The following STX11 variants were observed in gnomAD, a reference collection of about 807,000 sequenced individuals.
STX11 encodes syntaxin 11, also known as syntaxin-11.
A neutral mutation model predicts 19.9 loss-of-function variants in STX11; 21 were observed. That is an observed-to-expected ratio of 1.06 (90% CI 0.75 to 1.52). STX11 has a LOEUF of 1.52. Among genes scored for constraint, STX11 ranks in the 40% most tolerant of loss-of-function variants. STX11 has a pLI of 0.00. For synonymous variants in STX11, 193 were observed against 174.4 expected (o/e 1.11, Z -0.84); for missense variants, 438 against 405.9 (o/e 1.08, Z -0.68).
rs1801987548 is a variant in STX11, at chr6:144,184,857, AAT to A, written c.-5-1757_-5-1756del. Among the ~76,000 whole-genome samples, 1 of 152,188 alleles carries A rather than the reference AAT, an allele frequency of 6.6e-6. No individual in the cohort carries two copies. Among genetic ancestry groups the A allele is most frequent in the South Asian group, 2.1e-4 (1 of 4,832 alleles). On this transcript the variant is annotated intron_variant, in intron 1 of 1. Coordinates refer to ENST00000367568, the MANE Select transcript of STX11 (RefSeq NM_003764.4). This position sits in a 1 kb window ranked among gnomAD's most constrained non-coding sequence, Gnocchi z 6.5. ...TAAGTAGATTTTTTGGTAGCTTAGA[AAT>A]ATATATATTAAGTATCTTAACCTCT...
intron 1 of STX11, among the ~76,000 whole-genome samples, chr6:144,171,922 C>T (rs1446169707): frequency 6.6e-6 from 1 of 152,130 alleles, no homozygotes; most frequent in East Asian, 1.9e-4. Flanking sequence ...TACCTTAAGT[C>T]ACAATTATTG....
At chr6:144,140,393 T>C in the STX11 span, among the ~76,000 whole-genome samples, 1 of 151,604 alleles carries the variant, frequency 6.6e-6, no homozygotes, top group Non-Finnish European at 1.5e-5. Context: ...TAGCTGGGAC[T>C]ACAGGCGCAC....
At chr6:144,146,564 G>A (rs1448480327), upstream of STX11, among the ~76,000 whole-genome samples, 1 of 152,080 alleles carries the variant, frequency 6.6e-6, no homozygotes, top group Non-Finnish European at 1.5e-5. The surrounding 1 kb of genome is among the most constrained non-coding windows in gnomAD (Gnocchi z 4.4). Flanking sequence ...CGCCCGCCTC[G>A]GCCTCCCAAA....
chr6:144,148,576 C>T (rs929502959), upstream of STX11, among the ~76,000 whole-genome samples: 3 of 152,164 alleles, frequency 2.0e-5, no homozygotes, highest in East Asian at 1.9e-4. Flanking sequence ...TTACATTCCT[C>T]ACAACTAATT....
chr6:144,179,091 G>A (rs993240638), intron 1 of STX11, among the ~76,000 whole-genome samples: 1 of 152,164 alleles, frequency 6.6e-6, no homozygotes, highest in Non-Finnish European at 1.5e-5. Context: ...GAGGCATGGT[G>A]AATGCAAGGA....
chr6:144,176,767 C>G lies in STX11; in HGVS notation c.-5-9856C>G, dbSNP rs1430661338. Among the ~76,000 whole-genome samples, 2 of 152,008 alleles carry G rather than the reference C, an allele frequency of 1.3e-5. No homozygotes were observed. Among genetic ancestry groups the G allele is most frequent in the African/African-American group, 4.8e-5 (2 of 41,424 alleles). ...CATTTGAGTCATCAATAAATTGTGTCTAATGCCCTGTTTTTTAAAAAGCAA... is the reference window on the plus strand; with the variant it reads ...CATTTGAGTCATCAATAAATTGTGTGTAATGCCCTGTTTTTTAAAAAGCAA... On this transcript the variant is annotated intron_variant, in intron 1 of 1. Transcript: ENST00000367568. The surrounding 1 kb of genome is among the most constrained non-coding windows in gnomAD (Gnocchi z 4.1).
At chr6:144,144,924 G>A in the STX11 span, among the ~76,000 whole-genome samples, 1 of 152,192 alleles carries the variant, frequency 6.6e-6, no homozygotes, top group Non-Finnish European at 1.5e-5. Context: ...GGAGACACTG[G>A]AACCCTTGGG....
chr6:144,163,893 C>G (rs1201024177), intron 1 of STX11, among the ~76,000 whole-genome samples: 2 of 152,214 alleles, frequency 1.3e-5, no homozygotes, highest in Admixed American at 6.5e-5. Flanking sequence ...CTGCAGAAAG[C>G]TATGATTGTG....
chr6:144,161,742 A>G (rs1045534679), intron 1 of STX11, among the ~76,000 whole-genome samples: 1 of 152,200 alleles, frequency 6.6e-6, no homozygotes, highest in African/African-American at 2.4e-5. Flanking sequence ...TTCTGTTGAC[A>G]TCTAGATACG....
chr6:144,183,813 C>T lies in STX11; in HGVS notation c.-5-2810C>T, dbSNP rs1053890768. Among the ~76,000 whole-genome samples the T allele has an allele frequency of 2.6e-5, 4 of 152,130 alleles. No homozygotes were observed. The highest frequency in any genetic ancestry group is 9.7e-5 in the African/African-American group (4 of 41,428). On this transcript the variant is annotated intron_variant, in intron 1 of 1. Coordinates refer to ENST00000367568, the MANE Select transcript of STX11 (RefSeq NM_003764.4). The surrounding 1 kb of genome is among the most constrained non-coding windows in gnomAD (Gnocchi z 4.6). ...AAACATGTGCCATGGTGGTTTGCTG[C>T]ACAGATCATCCCATCACCTAGGTTT... is the stretch of plus-strand genomic sequence containing the variant.
At chr6:144,147,477 T>A (rs1405919785), upstream of STX11, among the ~76,000 whole-genome samples, 2 of 152,244 alleles carry the variant, frequency 1.3e-5, no homozygotes, top group Non-Finnish European at 2.9e-5. This position sits in a 1 kb window ranked among gnomAD's most constrained non-coding sequence, Gnocchi z 4.2. Flanking sequence ...CTCATTCTCT[T>A]TTTTTGATTC....
rs917936363 is a variant in STX11 at position 144,183,414 on chromosome 6, T to C, written c.-5-3209T>C. Among the ~76,000 whole-genome samples, 3 of 152,258 alleles carry C rather than the reference T, an allele frequency of 2.0e-5. No individual in the cohort carries two copies. The highest frequency in any genetic ancestry group is 1.3e-4 in the Admixed American group (2 of 15,292). On this transcript the variant is annotated intron_variant, in intron 1 of 1. Transcript: ENST00000367568. The surrounding 1 kb of genome is among the most constrained non-coding windows in gnomAD (Gnocchi z 4.6). ...GTGGTGATGAAAATATTTTGAGCAATGAGTTTCATACACTTTTGCATTATA... is the reference window on the plus strand; with the variant it reads ...GTGGTGATGAAAATATTTTGAGCAACGAGTTTCATACACTTTTGCATTATA...
the STX11 span, among the ~76,000 whole-genome samples, chr6:144,145,462 T>C: frequency 6.6e-6 from 1 of 152,194 alleles, no homozygotes. Context: ...TCCCTGTTCA[T>C]TGCAGCACTT....
intron 1 of STX11, among the ~76,000 whole-genome samples, chr6:144,157,357 A>G (rs1052356453): frequency 2.0e-5 from 3 of 152,228 alleles, no homozygotes; most frequent in African/African-American, 7.2e-5. Context: ...AGCTCCCTTC[A>G]GTCCAGGGCA....
Position 144,188,055 on chromosome 6 carries a change from T to C in STX11, c.*564T>C, listed in dbSNP as rs1432153280. ...TATTTCTGCTCATTTCCCCTACTTA[T>C]TAAAATCACACCAAACACTTACTAT... On this transcript the variant is annotated 3_prime_UTR_variant, in exon 2 of 2. Transcript: ENST00000367568. The C allele has an allele frequency of 1.6e-5, 4 of 244,764 alleles. No individual in the cohort carries two copies. Among genetic ancestry groups the C allele is most frequent in the Admixed American group, 5.6e-5 (1 of 17,910 alleles). 15.2% of individuals were successfully genotyped at this position (244,764 alleles called of 1,614,324 possible).
At chr6:144,148,621 A>G (rs1800921913), upstream of STX11, among the ~76,000 whole-genome samples, 1 of 152,150 alleles carries the variant, frequency 6.6e-6, no homozygotes, top group Non-Finnish European at 1.5e-5. Context: ...ATGAAAGTCC[A>G]TGCTTTATTT....
Position 144,188,439 on chromosome 6 carries a change from A to C in STX11, c.*948A>C, listed in dbSNP as rs553521960. ...ACTCCAGTTTGCCCCTTCCTAGTCC[A>C]GTTTGGGTCAAACTTCATGTTAAAC... On this transcript the variant is annotated 3_prime_UTR_variant, in exon 2 of 2. Transcript: ENST00000367568. 1.0e-3 allele frequency: 233 copies of C among 222,406 alleles called. No homozygotes were observed. Among genetic ancestry groups the C allele is most frequent in the African/African-American group, 5.2e-3 (229 of 43,960 alleles). The allele number at this position is 222,406 out of a possible 1,614,324, so 13.8% of individuals were successfully genotyped here. A position where few individuals can be genotyped will look rare whatever the true frequency, so the allele number is the denominator to read the frequency against.
upstream of STX11, among the ~76,000 whole-genome samples, chr6:144,147,767 A>C (rs1431539924): frequency 6.6e-6 from 1 of 152,128 alleles, no homozygotes; most frequent in African/African-American, 2.4e-5. This position sits in a 1 kb window ranked among gnomAD's most constrained non-coding sequence, Gnocchi z 4.2. Flanking sequence ...TCAGCTGAGC[A>C]TGGTAACTGA....
rs1801955834 is a variant in STX11 at position 144,183,427 on chromosome 6, C to T, written c.-5-3196C>T. On this transcript the variant is annotated intron_variant, in intron 1 of 1. Transcript: ENST00000367568. The surrounding 1 kb of genome is among the most constrained non-coding windows in gnomAD (Gnocchi z 4.6). ...TATTTTGAGCAATGAGTTTCATACACTTTTGCATTATATCTTTAGAATAAA... is the reference window on the plus strand; with the variant it reads ...TATTTTGAGCAATGAGTTTCATACATTTTTGCATTATATCTTTAGAATAAA... Among the ~76,000 whole-genome samples, 1 of 152,234 alleles carries T rather than the reference C, an allele frequency of 6.6e-6. No individual in the cohort carries two copies. The highest frequency in any genetic ancestry group is 1.5e-5 in the Non-Finnish European group (1 of 68,050).
Sources: gnomAD v4.1 joint callset for allele counts (sites outside exome capture counted in the v4.1 genomes callset) on GRCh38, gnomAD v4.1.1 for gene constraint, Gnocchi (gnomAD v3.1) non-coding constraint, MANE v1.5 for transcripts, NCBI Gene and HGNC (gene_info 2026-07-23, HGNC 2026-07-21) for gene names.